The following WBP4 variants were observed in gnomAD, a reference collection of about 807,000 sequenced individuals.
The protein encoded by WBP4 is WW domain binding protein 4.
Under a neutral mutation model 55.4 loss-of-function variants are expected in WBP4, and 37 were observed. The observed-to-expected ratio is 0.67, with a 90% CI of 0.51 to 0.88. The LOEUF (loss-of-function observed/expected upper bound fraction) is 0.88. Among genes scored for constraint, WBP4 ranks in the 40% least tolerant of loss-of-function variants. WBP4 has a pLI of 0.00. For synonymous variants in WBP4, 142 were observed against 140.2 expected, an observed-to-expected ratio of 1.01 and a Z score of -0.09; for missense variants, 398 against 420.8, an observed-to-expected ratio of 0.95 and a Z score of 0.47.
chr13:41,074,141 C>T (rs1260428959), intron 7 of WBP4, among the ~76,000 whole-genome samples: 1 of 152,036 alleles, frequency 6.6e-6, no homozygotes, highest in Middle Eastern at 3.2e-3. Context: ...CCATGTTAGT[C>T]AGGATGGTCT....
rs1878463728 is a variant in WBP4 at position 41,076,024 on chromosome 13, C to T, written c.563-20C>T. The T allele has an allele frequency of 6.2e-7, 1 of 1,601,140 alleles. No individual in the cohort carries two copies. Among genetic ancestry groups the T allele is most frequent in the Admixed American group, 1.8e-5 (1 of 55,698 alleles). ...TAGAATTAATAACTAAATAACATGA[C>T]TTTAAAATGTGTTGAGCAGAATCCA... On this transcript the variant is annotated intron_variant, in intron 7 of 9. Coordinates refer to ENST00000379487, the MANE Select transcript of WBP4 (RefSeq NM_007187.5).
chr13:41,062,186 A>G, intron 1 of WBP4: 1 of 977,170 alleles, frequency 1.0e-6, no homozygotes. Context: ...GCTCAAGAAC[A>G]GTTTGTTTTA....
At chr13:41,068,459 A>C in intron 4 of WBP4, 102 bp from the exon 5 acceptor site, 1 of 1,140,400 alleles carries the variant, frequency 8.8e-7, no homozygotes. Flanking sequence ...TCTCAAAAGA[A>C]CCTTATCAGG....
intron 4 of WBP4, among the ~76,000 whole-genome samples, chr13:41,065,919 AGTT>A (rs1877953713): frequency 6.6e-6 from 1 of 152,202 alleles, no homozygotes; most frequent in Non-Finnish European, 1.5e-5. Flanking sequence ...AGCAGATCTC[AGTT>A]GTTGATCTTA....
In WBP4 at chr13:41,083,405, C is replaced by T. The variant is rs914209322; in HGVS notation, c.*491C>T. On this transcript the variant is annotated 3_prime_UTR_variant, in exon 10 of 10. Coordinates refer to ENST00000379487, the MANE Select transcript of WBP4 (RefSeq NM_007187.5). ...AATGTATGCATATTGGCTTACCTTACTCAATTTAAAGTCAAAAGCCAACAG... is the reference window on the plus strand; with the variant it reads ...AATGTATGCATATTGGCTTACCTTATTCAATTTAAAGTCAAAAGCCAACAG... 6.4e-6 allele frequency: 1 copy of T among 157,080 alleles called. No homozygotes were observed. The highest frequency in any genetic ancestry group is 2.4e-5 in the African/African-American group (1 of 41,478). The allele number at this position is 157,080 out of a possible 1,614,324, so 9.7% of individuals were successfully genotyped here.
chr13:41,065,543 A>G (rs923082152), intron 4 of WBP4, among the ~76,000 whole-genome samples: 7 of 152,216 alleles, frequency 4.6e-5, no homozygotes, highest in Middle Eastern at 3.4e-3. Flanking sequence ...TCCTAGTTCT[A>G]TCCTAGGTAA....
At chr13:41,078,149 T>C (rs1244904626) in intron 8 of WBP4, among the ~76,000 whole-genome samples, 1 of 152,192 alleles carries the variant, frequency 6.6e-6, no homozygotes, top group Non-Finnish European at 1.5e-5. Flanking sequence ...AATTCTGAAA[T>C]TTATGTGAAA....
In WBP4 at chr13:41,075,082, C is replaced by A. The variant is rs146492765; in HGVS notation, c.563-962C>A. Among the ~76,000 whole-genome samples the A allele has an allele frequency of 3.3e-5, 5 of 152,170 alleles. No homozygotes were observed. The East Asian group carries it at 7.7e-4, about 24-fold the overall frequency. ...CAAGAACTCTGTATTAATTAAGGTGCTGTATATATTGGTTTGCCTTGAATG... is the reference window on the plus strand; with the variant it reads ...CAAGAACTCTGTATTAATTAAGGTGATGTATATATTGGTTTGCCTTGAATG... On this transcript the variant is annotated intron_variant, in intron 7 of 9. Coordinates refer to ENST00000379487, the MANE Select transcript of WBP4 (RefSeq NM_007187.5).
Position 41,073,158 on chromosome 13 carries a change from T to G in WBP4, c.562+301T>G, listed in dbSNP as rs749280538. On this transcript the variant is annotated intron_variant, in intron 7 of 9. Transcript: ENST00000379487. ...TATTTTTATAATTATTTTAGAAATA[T>G]AGTCATTACCTTGGAAGGTAGCTTA... Among the ~76,000 whole-genome samples, 3 of 152,212 alleles carry G rather than the reference T, an allele frequency of 2.0e-5. No individual in the cohort carries two copies. In the South Asian group the frequency reaches 6.2e-4, roughly 31 times the overall value.
At chr13:41,077,671 A>G (rs1433233338) in intron 8 of WBP4, among the ~76,000 whole-genome samples, 1 of 152,212 alleles carries the variant, frequency 6.6e-6, no homozygotes, top group Non-Finnish European at 1.5e-5. Flanking sequence ...AAGGCATCCA[A>G]ATTGAAAAAG....
intron 7 of WBP4, among the ~76,000 whole-genome samples, chr13:41,075,023 A>G (rs973207300): frequency 6.6e-6 from 1 of 152,236 alleles, no homozygotes; most frequent in African/African-American, 2.4e-5. Context: ...TGAAATGTGG[A>G]TTAGGAAAAG....
intron 4 of WBP4, among the ~76,000 whole-genome samples, chr13:41,065,692 A>G (rs895193706): frequency 2.0e-5 from 3 of 152,180 alleles, no homozygotes; most frequent in Non-Finnish European, 4.4e-5. Context: ...AGTCTTGTAT[A>G]TTTATATGGG....
chr13:41,082,619 T>C (rs746974470), intron 9 of WBP4, 85 bp from the exon 10 acceptor site: 9 of 1,267,782 alleles, frequency 7.1e-6, no homozygotes, highest in African/African-American at 1.5e-5. Flanking sequence ...CTAATGTCAT[T>C]AGAAAGCTGA....
intron 8 of WBP4, among the ~76,000 whole-genome samples, chr13:41,077,618 T>C (rs1215525376): frequency 6.6e-6 from 1 of 152,008 alleles, no homozygotes; most frequent in Non-Finnish European, 1.5e-5. Flanking sequence ...CAACATAATA[T>C]TGGAAGTGCT....
At chr13:41,066,704 A>G (rs546350982) in intron 4 of WBP4, among the ~76,000 whole-genome samples, 12 of 152,362 alleles carry the variant, frequency 7.9e-5, no homozygotes, top group African/African-American at 2.6e-4. Context: ...ACTATAATTT[A>G]TTTAATCTTT....
In WBP4 at chr13:41,080,711, A is replaced by G; in HGVS notation, c.822A>G (p.Lys274=). Residue 274 remains lysine, a synonymous_variant, in exon 9 of 10, where the codon AAA becomes AAG. Coordinates refer to ENST00000379487, the MANE Select transcript of WBP4 (RefSeq NM_007187.5). ...PETQKEKSIQ[K]QNSLGSNEEK... Reference sequence around the variant, plus strand: ...CACAGAAAGAAAAAAGTATTCAGAAACAGAATTCATTAGGTTCAAATGAAG... The same window carrying G: ...CACAGAAAGAAAAAAGTATTCAGAAGCAGAATTCATTAGGTTCAAATGAAG... The G allele has an allele frequency of 6.2e-7, 1 of 1,605,572 alleles. No individual in the cohort carries two copies. The highest frequency in any genetic ancestry group is 8.5e-7 in the Non-Finnish European group (1 of 1,177,948).
At chr13:41,082,036 G>T (rs1438823245) in intron 9 of WBP4, among the ~76,000 whole-genome samples, 1 of 152,056 alleles carries the variant, frequency 6.6e-6, no homozygotes, top group Non-Finnish European at 1.5e-5. Context: ...ACTGTGATAG[G>T]CTCTTTTTAA....
At chr13:41,068,513 AAAAATAGTAGTT>A in intron 4 of WBP4, 36 bp from the exon 5 acceptor site, 1 of 1,452,012 alleles carries the variant, frequency 6.9e-7, no homozygotes, top group African/African-American at 1.4e-5. Flanking sequence ...AGCAACCATA[AAAAATAGTAGTT>A]ACTATAGCTG....
intron 5 of WBP4, among the ~76,000 whole-genome samples, chr13:41,069,421 G>A (rs1878129656): frequency 6.6e-6 from 1 of 152,214 alleles, no homozygotes; most frequent in South Asian, 2.1e-4. Context: ...CCAGCACTTT[G>A]GGAGGCTGAG....
Sources: allele counts gnomAD v4.1 joint callset (sites outside exome capture counted in the v4.1 genomes callset), GRCh38; gene constraint gnomAD v4.1.1; transcripts MANE v1.5; gene names NCBI Gene and HGNC (gene_info 2026-07-23, HGNC 2026-07-21).